Variants in ZFHX3 observed in about 807,000 individuals in gnomAD.
ZFHX3 encodes zinc finger homeobox 3.
A neutral mutation model predicts 279.1 loss-of-function variants in ZFHX3; 42 were observed. That is an observed-to-expected ratio of 0.15 (90% confidence interval 0.12 to 0.19). ZFHX3 has a LOEUF of 0.19. ZFHX3 is among the 10% of genes least tolerant of loss of function. ZFHX3 has a pLI of 1.00. For missense variants in ZFHX3, 4,981 were observed against 4,754.0 expected, an observed-to-expected ratio of 1.05 and a Z score of -1.40; for synonymous variants, 2,293 against 1,957.8, an observed-to-expected ratio of 1.17 and a Z score of -4.52.
chr16:72,923,881 G>T (rs112711772), intron 3 of ZFHX3, among the ~76,000 whole-genome samples: 1 of 152,192 alleles, frequency 6.6e-6, no homozygotes, highest in South Asian at 2.1e-4. Context: ...CGTTCAAGAC[G>T]CGGCTACTGG....
At chr16:73,691,050 C>T (rs1224697992) in intron 1 of ZFHX3, among the ~76,000 whole-genome samples, 1 of 152,208 alleles carries the variant, frequency 6.6e-6, no homozygotes, top group Admixed American at 6.5e-5. Context: ...AACTGTTGTC[C>T]ATAAGCAATT....
chr16:73,784,320 G>C (rs955969569), intron 1 of ZFHX3, among the ~76,000 whole-genome samples: 4 of 152,024 alleles, frequency 2.6e-5, no homozygotes, highest in Non-Finnish European at 4.4e-5. Flanking sequence ...TACTAGATGT[G>C]CTTAACATGC....
intron 2 of ZFHX3, among the ~76,000 whole-genome samples, chr16:73,630,895 G>A (rs981883997): frequency 6.6e-6 from 1 of 152,222 alleles, no homozygotes; most frequent in Non-Finnish European, 1.5e-5. Context: ...TCATTCCCCA[G>A]AGAAAGAGGT....
intron 4 of ZFHX3, among the ~76,000 whole-genome samples, chr16:73,303,030 A>C (rs2015094390): frequency 7.4e-6 from 1 of 135,302 alleles, no homozygotes; most frequent in Non-Finnish European, 1.7e-5. Context: ...AGAGCAATGG[A>C]GACTTTTTTT....
In ZFHX3 at chr16:72,907,545, T is replaced by TTGTGTGTGTG. The variant is rs547618913; in HGVS notation, c.3217-17593_3217-17584dup. On this transcript the variant is annotated intron_variant, in intron 3 of 9. Transcript: ENST00000268489. ...CTCGGTTTCCAAAGGTTTCCTCTAT[T>TTGTGTGTGTG]TGTGTGTGTGTGTGTGTGTGTGTGT... Among the ~76,000 whole-genome samples, 877 of 120,440 alleles carry TTGTGTGTGTG rather than the reference T, an allele frequency of 7.3e-3. 16 individuals are homozygous for TTGTGTGTGTG. The highest frequency in any genetic ancestry group is 0.014 in the East Asian group (54 of 3,818). The allele number at this position is 120,440 out of a possible 152,430, so 79.0% of individuals were successfully genotyped here.
intron 1 of ZFHX3, among the ~76,000 whole-genome samples, chr16:73,847,904 G>GTT (rs60189791): frequency 2.3e-3 from 184 of 80,052 alleles, no homozygotes; most frequent in African/African-American, 4.3e-3. Context: ...TGCCTGGCTA[G>GTT]TTTTTTTTTT....
intron 2 of ZFHX3, among the ~76,000 whole-genome samples, chr16:73,574,290 TG>T (rs1247690393): frequency 6.6e-6 from 1 of 152,152 alleles, no homozygotes; most frequent in Non-Finnish European, 1.5e-5. Flanking sequence ...CATCCAGATA[TG>T]TGACTATGCC....
chr16:72,938,144 G>A (rs1567593872), intron 3 of ZFHX3, among the ~76,000 whole-genome samples: 1 of 152,258 alleles, frequency 6.6e-6, no homozygotes, highest in East Asian at 1.9e-4. Flanking sequence ...CAGAGATGCC[G>A]TGTGTGGGTA....
intron 2 of ZFHX3, among the ~76,000 whole-genome samples, chr16:72,955,330 A>T (rs1961201800): frequency 6.6e-6 from 1 of 152,214 alleles, no homozygotes; most frequent in Admixed American, 6.5e-5. Context: ...TGTGTCTACA[A>T]CACAGGGCTT....
At chr16:73,067,668 C>T (rs1050497599) in intron 8 of ZFHX3, among the ~76,000 whole-genome samples, 3 of 152,224 alleles carry the variant, frequency 2.0e-5, no homozygotes, top group Non-Finnish European at 2.9e-5. Flanking sequence ...TTTGGAGAAA[C>T]TGCATTCATC....
chr16:72,897,150 C>T lies in ZFHX3; in HGVS notation c.3217-7188G>A, dbSNP rs16971382. On this transcript the variant is annotated intron_variant, in intron 3 of 9. Transcript: ENST00000268489. Reference sequence around the variant, plus strand: ...GCAGGAGAGCCTGTCTGTAACTCTTCTCAGTCCATTGAACTGGAGGCCCCA... The same window carrying T: ...GCAGGAGAGCCTGTCTGTAACTCTTTTCAGTCCATTGAACTGGAGGCCCCA... Among the ~76,000 whole-genome samples the T allele has an allele frequency of 4.4e-3, 677 of 152,344 alleles. 4 individuals are homozygous for T. Among genetic ancestry groups the T allele is most frequent in the African/African-American group, 0.015 (644 of 41,588 alleles).
At chr16:73,452,668 G>C (rs983015985) in intron 3 of ZFHX3, among the ~76,000 whole-genome samples, 2 of 152,172 alleles carry the variant, frequency 1.3e-5, no homozygotes, top group African/African-American at 4.8e-5. Flanking sequence ...CATTTGTGAA[G>C]ACCAAAATGT....
intron 4 of ZFHX3, among the ~76,000 whole-genome samples, chr16:72,858,808 G>C (rs369032062): frequency 3.9e-5 from 6 of 152,364 alleles, no homozygotes; most frequent in South Asian, 2.1e-4. Context: ...GCGACACAGA[G>C]GGCAGAGCCC....
intron 2 of ZFHX3, among the ~76,000 whole-genome samples, chr16:73,580,519 A>AAAC (rs1279368935): frequency 4.6e-5 from 7 of 151,872 alleles, no homozygotes; most frequent in Admixed American, 3.3e-4. Context: ...AAAAAAAAAA[A>AAAC]AACAGAGAAA....
At chr16:73,150,366 C>T (rs985420913) in intron 5 of ZFHX3, among the ~76,000 whole-genome samples, 1 of 152,004 alleles carries the variant, frequency 6.6e-6, no homozygotes, top group Non-Finnish European at 1.5e-5. Flanking sequence ...AAGTCCTGCT[C>T]CTGCCCCTTC....
chr16:73,318,222 A>G (rs146552676), intron 4 of ZFHX3: 23 of 152,206 alleles, frequency 1.5e-4, no homozygotes, highest in African/African-American at 5.5e-4. Context: ...CAACCATAAT[A>G]TAATATCAGA....
intron 1 of ZFHX3, among the ~76,000 whole-genome samples, chr16:73,879,825 CCACA>C (rs138251480): frequency 4.0e-5 from 6 of 149,984 alleles, no homozygotes; most frequent in Admixed American, 6.7e-5. Context: ...ACTGGCGCAC[CCACA>C]CACACACACA....
At chr16:72,891,822 T>C (rs565118213) in intron 3 of ZFHX3, among the ~76,000 whole-genome samples, 68 of 152,320 alleles carry the variant, frequency 4.5e-4, no homozygotes, top group African/African-American at 1.6e-3. Context: ...GCCTGGCCCA[T>C]GGAGCCATGG....
chr16:73,719,327 C>T (rs907917924), intron 1 of ZFHX3, among the ~76,000 whole-genome samples: 11 of 152,090 alleles, frequency 7.2e-5, no homozygotes, highest in African/African-American at 9.7e-5. Flanking sequence ...TCACGCTGGC[C>T]CAGTTATTCC....
Sources: gnomAD v4.1 joint callset for allele counts (sites outside exome capture counted in the v4.1 genomes callset) on GRCh38, gnomAD v4.1.1 for gene constraint, MANE v1.5 for transcripts, NCBI Gene and HGNC (gene_info 2026-07-23, HGNC 2026-07-21) for gene names.